The following RGL1 variants were observed in gnomAD, a reference collection of about 807,000 sequenced individuals.
The protein encoded by RGL1 is ral guanine nucleotide dissociation stimulator like 1, also known as ral guanine nucleotide dissociation stimulator-like 1.
A neutral mutation model predicts 95.2 loss-of-function variants in RGL1; 24 were observed. The ratio of observed to expected loss-of-function variants is 0.25; its 90% confidence interval spans 0.18 to 0.35. RGL1 has a LOEUF of 0.35. Among genes scored for constraint, RGL1 ranks in the 10% least tolerant of loss-of-function variants. RGL1 has a pLI of 1.00. For missense variants in RGL1, 715 were observed against 936.3 expected (o/e 0.76, Z 3.08); for synonymous variants, 329 against 344.9 (o/e 0.95, Z 0.51).
Position 183,907,005 on chromosome 1 carries a change from T to G in RGL1, c.1473-7T>G. On this transcript the variant is annotated splice_polypyrimidine_tract_variant and splice_region_variant and intron_variant, in intron 13 of 17. Transcript: ENST00000360851. Reference sequence around the variant, plus strand: ...TTGACCTCATGGAGCCCCCTTCTCTTTCTCAGCTATGCCCTGTCATGTGAG... The same window carrying G: ...TTGACCTCATGGAGCCCCCTTCTCTGTCTCAGCTATGCCCTGTCATGTGAG... The G allele has an allele frequency of 1.3e-6, 2 of 1,585,560 alleles. No individual in the cohort carries two copies. Among genetic ancestry groups the G allele is most frequent in the Non-Finnish European group, 1.7e-6 (2 of 1,154,886 alleles).
At position 183,883,813 on chromosome 1, in the gene RGL1, G is replaced by C. The variant is rs1245492376; in HGVS notation, c.638G>C (p.Ser213Thr). The change falls in exon 6 of 18, where the codon AGC becomes ACC. Residue 213 changes from serine (S) to threonine (T), a missense_variant. Coordinates refer to ENST00000360851, the MANE Select transcript of RGL1 (RefSeq NM_001297671.3). Reference protein sequence around the residue: ...DNGLPNTISFSLEEEEELEGG... With the variant: ...DNGLPNTISFTLEEEEELEGG... ...GGGCTTCCCAACACGATCTCCTTCAGCCTGGAAGAGGAAGAGGAACTGGAG... is the reference window on the plus strand; with the variant it reads ...GGGCTTCCCAACACGATCTCCTTCACCCTGGAAGAGGAAGAGGAACTGGAG... The C allele has an allele frequency of 6.2e-7, 1 of 1,614,106 alleles. No homozygotes were observed. Among genetic ancestry groups the C allele is most frequent in the Non-Finnish European group, 8.5e-7 (1 of 1,179,926 alleles).
At chr1:183,740,307 G>T (rs1657209806) in intron 1 of RGL1, among the ~76,000 whole-genome samples, 1 of 152,114 alleles carries the variant, frequency 6.6e-6, no homozygotes, top group East Asian at 1.9e-4. Context: ...TAATGGGAGG[G>T]TATTAAGTGC....
intron 2 of RGL1, among the ~76,000 whole-genome samples, chr1:183,777,533 G>T (rs1414874328): frequency 6.6e-6 from 1 of 152,164 alleles, no homozygotes; most frequent in African/African-American, 2.4e-5. Flanking sequence ...ATTACACAAG[G>T]TTTCATAATG....
Position 183,704,511 on chromosome 1 carries a change from A to C in RGL1, c.-32-37615A>C, listed in dbSNP as rs573565692. ...AATAGCCAGCATGTTGGTGTCCTTG[A>C]TGTAGGAAGGAGCTGCCATCTACAA... On this transcript the variant is annotated intron_variant, in intron 1 of 18. Transcript: ENST00000304685. 2.0e-5 allele frequency among the ~76,000 whole-genome samples: 3 copies of C among 152,242 alleles called. No homozygotes were observed. In the East Asian group the frequency reaches 5.8e-4, roughly 29 times the overall value.
In RGL1 at chr1:183,897,850, G is replaced by C; in HGVS notation, c.1183G>C (p.Glu395Gln). The change falls in exon 10 of 18, where the codon GAA becomes CAA. Residue 395 changes from glutamate to glutamine, a missense_variant. Around this residue, in one of 3 missense-constraint regions of RGL1, gnomAD observed 381 missense variants for 484.8 expected, o/e 0.79. Transcript: ENST00000360851. Reference sequence around the variant, plus strand: ...TGCAAACCTGGACAGCAGTGTGAAAGAAAACCAGAAGCGTACCCAGAGGCG... The same window carrying C: ...TGCAAACCTGGACAGCAGTGTGAAACAAAACCAGAAGCGTACCCAGAGGCG... Reference protein sequence around the residue: ...KFANLDSSVKENQKRTQRRLQ... With the variant: ...KFANLDSSVKQNQKRTQRRLQ... 6.2e-7 allele frequency: 1 copy of C among 1,614,104 alleles called. No individual in the cohort carries two copies. Among genetic ancestry groups the C allele is most frequent in the Non-Finnish European group, 8.5e-7 (1 of 1,179,948 alleles).
intron 12 of RGL1, 65 bp from the exon 13 acceptor site, chr1:183,904,785 C>A: frequency 6.7e-7 from 1 of 1,488,820 alleles, no homozygotes; most frequent in Non-Finnish European, 9.1e-7. Context: ...TTGAAAGATT[C>A]TATATTTGGT....
intron 2 of RGL1, among the ~76,000 whole-genome samples, chr1:183,762,605 C>T (rs1209897978): frequency 6.6e-6 from 1 of 152,138 alleles, no homozygotes; most frequent in Non-Finnish European, 1.5e-5. Context: ...CACAAACCTT[C>T]AATTTATTAT....
At chr1:183,832,913 G>T (rs1041659977) in intron 2 of RGL1, among the ~76,000 whole-genome samples, 4 of 151,200 alleles carry the variant, frequency 2.6e-5, no homozygotes, top group Non-Finnish European at 4.4e-5. Flanking sequence ...ATTCTCCAGG[G>T]ATATCACAGG....
intron 1 of RGL1, among the ~76,000 whole-genome samples, chr1:183,638,038 A>G (rs1219936533): frequency 6.6e-6 from 1 of 152,178 alleles, no homozygotes; most frequent in Non-Finnish European, 1.5e-5. Context: ...CATTAGAGGC[A>G]CTATTGACAG....
At chr1:183,747,420 C>T (rs1302091113) in intron 2 of RGL1, among the ~76,000 whole-genome samples, 1 of 152,078 alleles carries the variant, frequency 6.6e-6, no homozygotes, top group African/African-American at 2.4e-5. Context: ...TGTTTTTTGG[C>T]CGCATAAATG....
chr1:183,887,535 TA>T (rs1667189374), intron 7 of RGL1, among the ~76,000 whole-genome samples: 1 of 152,138 alleles, frequency 6.6e-6, no homozygotes, highest in Non-Finnish European at 1.5e-5. Flanking sequence ...ACACTGGGCC[TA>T]GTACGCTGTC....
At chr1:183,781,661 G>T (rs1572404628) in intron 2 of RGL1, among the ~76,000 whole-genome samples, 1 of 152,154 alleles carries the variant, frequency 6.6e-6, no homozygotes, top group Non-Finnish European at 1.5e-5. Context: ...ATATGTGTGT[G>T]TTTTAACATA....
In RGL1 at chr1:183,812,347, T is replaced by C. The variant is rs80143750; in HGVS notation, c.138+5862T>C. The stretch of plus-strand genomic sequence containing the variant: ...GACGTAGAGTTGATTTGGAGTTCTT[T>C]GGAGATTTTGGCAGTTTCTGGGTCA... On this transcript the variant is annotated intron_variant, in intron 2 of 17. Coordinates refer to ENST00000360851, the MANE Select transcript of RGL1 (RefSeq NM_001297671.3). Among the ~76,000 whole-genome samples, 1,279 of 152,308 alleles carry C rather than the reference T, an allele frequency of 8.4e-3. 12 individuals carry two copies. Among genetic ancestry groups the C allele is most frequent in the African/African-American group, 0.025 (1,055 of 41,556 alleles).
At chr1:183,889,933 TTGTGTG>T in intron 8 of RGL1, among the ~76,000 whole-genome samples, 1 of 152,134 alleles carries the variant, frequency 6.6e-6, no homozygotes, top group Non-Finnish European at 1.5e-5. Context: ...ATCAAGGTGA[TTGTGTG>T]TATTAAAGAG....
chr1:183,644,708 GAAGAGT>G (rs1650166016), intron 1 of RGL1, among the ~76,000 whole-genome samples: 1 of 151,780 alleles, frequency 6.6e-6, no homozygotes, highest in African/African-American at 2.4e-5. Flanking sequence ...AAACCAATAC[GAAGAGT>G]AAGATTCCAT....
chr1:183,806,980 C>A (rs934270879), intron 2 of RGL1, among the ~76,000 whole-genome samples: 9 of 152,166 alleles, frequency 5.9e-5, no homozygotes, highest in African/African-American at 2.2e-4. Context: ...ATTGTGATCT[C>A]TTTTCTATAT....
At chr1:183,783,796 A>G (rs1660020951) in intron 2 of RGL1, among the ~76,000 whole-genome samples, 1 of 152,198 alleles carries the variant, frequency 6.6e-6, no homozygotes, top group Non-Finnish European at 1.5e-5. Context: ...AACCAGTTGG[A>G]GTGGGGAGGA....
chr1:183,692,222 C>T (rs996958116), intron 1 of RGL1, among the ~76,000 whole-genome samples: 3 of 152,242 alleles, frequency 2.0e-5, no homozygotes, highest in African/African-American at 7.2e-5. Context: ...TTGCTAGGGA[C>T]GAGGTTGGAA....
At position 183,742,290 on chromosome 1, in the gene RGL1, G is replaced by T; in HGVS notation, c.132+1G>T. On this transcript the variant is annotated splice_donor_variant, in intron 2 of 18. Transcript: ENST00000304685. LOFTEE classifies it high-confidence loss of function. ...ATGGGAAGTTTTAAAGACAGAGGAG[G>T]TAAGATGACTCTAAATGACACAGTT... 6.2e-7 allele frequency: 1 copy of T among 1,613,916 alleles called. No individual in the cohort carries two copies. Among genetic ancestry groups the T allele is most frequent in the Non-Finnish European group, 8.5e-7 (1 of 1,179,834 alleles).
Sources: gnomAD v4.1 joint callset for allele counts (sites outside exome capture counted in the v4.1 genomes callset) on GRCh38, gnomAD v4.1.1 for gene constraint, gnomAD v4.1.1 regional missense constraint, MANE v1.5 for transcripts, NCBI Gene and HGNC (gene_info 2026-07-23, HGNC 2026-07-21) for gene names.